ACAD10: variants seen among roughly 807,000 people sequenced by gnomAD.
ACAD10 encodes the protein acyl-CoA dehydrogenase family member 10, also known as ACAD-10.
Under a neutral mutation model 116.8 loss-of-function variants are expected in ACAD10, and 112 were observed. That is an observed-to-expected ratio of 0.96 (90% CI 0.82 to 1.12). The LOEUF is 1.12. Ranked by LOEUF, ACAD10 falls within the 50% of genes most tolerant of loss-of-function variation. The pLI is 0.00. For synonymous variants in ACAD10, 486 were observed against 510.6 expected, an observed-to-expected ratio of 0.95 and a Z score of 0.65; for missense variants, 1,259 against 1,350.2, an observed-to-expected ratio of 0.93 and a Z score of 1.06.
Position 111,709,681 on chromosome 12 carries a change from T to G in ACAD10, c.687T>G (p.Ile229Met). Residue 229 changes from isoleucine (I) to methionine (M), a missense_variant, in exon 5 of 21, where the codon ATT becomes ATG. Ile to Met is a conservative substitution (Grantham distance 10). Transcript: ENST00000313698. ...CTGCCAGACTTGGTATTCACACCAT[T>G]AAGGTAATAGTCACTAATTTTTGAA... Reference protein sequence around the residue: ...KEAARLGIHTIKVNDPETAVK... With the variant: ...KEAARLGIHTMKVNDPETAVK... 1 of 1,610,748 alleles carries G rather than the reference T, an allele frequency of 6.2e-7. No individual in the cohort carries two copies. Among genetic ancestry groups the G allele is most frequent in the South Asian group, 1.1e-5 (1 of 90,480 alleles).
intron 3 of ACAD10, among the ~76,000 whole-genome samples, chr12:111,702,558 C>T (rs1888378282): frequency 1.3e-5 from 2 of 151,902 alleles, no homozygotes; most frequent in Non-Finnish European, 2.9e-5. Context: ...GGTGAAACCC[C>T]GTTTCTACTA....
In ACAD10 at chr12:111,753,800, C is replaced by A; in HGVS notation, c.2846C>A (p.Pro949His). The stretch of plus-strand genomic sequence containing the variant: ...AAGTCCCGCTTGGCTTTTGGGAAGC[C>A]CCTGGTGGAGCAGGGCACAGTGCTG... ...RVKSRLAFGK[P>H]LVEQGTVLAD... The change falls in exon 19 of 21, where the codon CCC becomes CAC. Residue 949 changes from proline to histidine, a missense_variant. Transcript: ENST00000313698. The A allele has an allele frequency of 6.2e-7, 1 of 1,614,018 alleles. No homozygotes were observed. Among genetic ancestry groups the A allele is most frequent in the Non-Finnish European group, 8.5e-7 (1 of 1,180,042 alleles).
chr12:111,729,293 A>C (rs1305571767), intron 9 of ACAD10, among the ~76,000 whole-genome samples: 1 of 152,112 alleles, frequency 6.6e-6, no homozygotes, highest in African/African-American at 2.4e-5. Flanking sequence ...GCTGGAGTGC[A>C]ATGGCGCAAT....
intron 18 of ACAD10, among the ~76,000 whole-genome samples, chr12:111,752,314 A>G (rs981454336): frequency 6.6e-5 from 10 of 151,944 alleles, no homozygotes; most frequent in Non-Finnish European, 1.5e-4. Flanking sequence ...TATTGTTTTA[A>G]GCAGGCTGGC....
Position 111,709,585 on chromosome 12 carries a change from C to T in ACAD10, c.591C>T (p.Cys197=). The change falls in exon 5 of 21, where the codon TGC becomes TGT. Residue 197 remains cysteine (C), a synonymous_variant. Transcript: ENST00000313698. The stretch of plus-strand genomic sequence containing the variant: ...CAGACCCTAGGATCTACAAGCTGTG[C>T]TTGGAGCAGCTCGGCCTGCAGCCCT... ...CKPDPRIYKL[C]LEQLGLQPSE... 1 of 1,613,868 alleles carries T rather than the reference C, an allele frequency of 6.2e-7. No homozygotes were observed. The highest frequency in any genetic ancestry group is 1.1e-5 in the South Asian group (1 of 91,040).
chr12:111,727,936 T>C, intron 8 of ACAD10, 26 bp from the exon 9 acceptor site: 1 of 1,589,180 alleles, frequency 6.3e-7, no homozygotes. Context: ...CTCTGATCCC[T>C]GAAACCCCTT....
At chr12:111,731,408 T>A (rs114001934) in intron 10 of ACAD10, among the ~76,000 whole-genome samples, 2,301 of 152,326 alleles carry the variant, frequency 0.015, 70 homozygotes, top group African/African-American at 0.053. Context: ...AACACTTTCC[T>A]TGCCAGCCAT....
chr12:111,747,217 T>C, intron 15 of ACAD10, 31 bp downstream of exon 15: 2 of 1,608,130 alleles, frequency 1.2e-6, no homozygotes, highest in Non-Finnish European at 1.7e-6. Context: ...CCCACTTGCC[T>C]GGCCCTGTTG....
At chr12:111,712,346 G>A (rs1888709914) in intron 5 of ACAD10, 152 bp from the exon 6 acceptor site, 1 of 650,590 alleles carries the variant, frequency 1.5e-6, no homozygotes. Flanking sequence ...ATTGACTGCT[G>A]GCACCTGTTC....
chr12:111,691,028 T>C (rs1384977887), intron 1 of ACAD10: 1 of 152,170 alleles, frequency 6.6e-6, no homozygotes, highest in Non-Finnish European at 1.5e-5. Context: ...CTTCATTATT[T>C]TGGTTTTTTT....
rs2135974826 is a variant in ACAD10 at position 111,729,748 on chromosome 12, C to T, written c.1244-58C>T. On this transcript the variant is annotated intron_variant, in intron 9 of 20. Coordinates refer to ENST00000313698, the MANE Select transcript of ACAD10 (RefSeq NM_025247.6). Reference sequence around the variant, plus strand: ...GGTTTCACTGCACTGGTTTTTTTTTCCGCTACTTTCAGAGGTTGCTGAAAT... The same window carrying T: ...GGTTTCACTGCACTGGTTTTTTTTTTCGCTACTTTCAGAGGTTGCTGAAAT... 5 of 1,566,002 alleles carry T rather than the reference C, an allele frequency of 3.2e-6. No homozygotes were observed. In the Admixed American group the frequency reaches 5.6e-5, roughly 17 times the overall value.
At chr12:111,734,186 G>C in intron 11 of ACAD10, 118 bp downstream of exon 11, 1 of 1,405,068 alleles carries the variant, frequency 7.1e-7, no homozygotes, top group Admixed American at 2.0e-5. Flanking sequence ...GGTCCTGGTG[G>C]TTCTGGTGGG....
rs368293369 is a variant in ACAD10, at chr12:111,755,648, G to A, written c.2962-20G>A. 27 of 1,607,740 alleles carry A rather than the reference G, an allele frequency of 1.7e-5. No individual in the cohort carries two copies. Among genetic ancestry groups the A allele is most frequent in the Middle Eastern group, 3.4e-4 (2 of 5,830 alleles). On this transcript the variant is annotated intron_variant, in intron 19 of 20. Coordinates refer to ENST00000313698, the MANE Select transcript of ACAD10 (RefSeq NM_025247.6). ...GGCTGCCCTCGGGTCTTTTATGATC[G>A]CATCTCCTCCTCCTTACAGGCTGCA... is the stretch of plus-strand genomic sequence containing the variant.
chr12:111,721,579 C>G, intron 7 of ACAD10, 92 bp from the exon 8 acceptor site: 1 of 1,247,842 alleles, frequency 8.0e-7, no homozygotes, highest in Non-Finnish European at 1.1e-6. Context: ...AAAAACAAAA[C>G]AAACAAACAA....
rs755922722 is a variant in ACAD10, at chr12:111,749,362, G to C, written c.2817+17G>C. On this transcript the variant is annotated intron_variant, in intron 18 of 20. Coordinates refer to ENST00000313698, the MANE Select transcript of ACAD10 (RefSeq NM_025247.6). ...AAGGCCCGCGTGAGTGCTTTCCCCCGCACCCAGCACTGACTCAGAACCACC... is the reference window on the plus strand; with the variant it reads ...AAGGCCCGCGTGAGTGCTTTCCCCCCCACCCAGCACTGACTCAGAACCACC... 2 of 1,594,734 alleles carry C rather than the reference G, an allele frequency of 1.3e-6. No homozygotes were observed. Among genetic ancestry groups the C allele is most frequent in the Non-Finnish European group, 1.7e-6 (2 of 1,168,978 alleles).
At chr12:111,699,593 A>G (rs796749596) in intron 2 of ACAD10, among the ~76,000 whole-genome samples, 19 of 151,950 alleles carry the variant, frequency 1.3e-4, no homozygotes, top group African/African-American at 4.6e-4. Context: ...TATGTCTAGG[A>G]TCTAGTTTGG....
At chr12:111,747,011 GA>G (rs747532515) in intron 14 of ACAD10, 37 bp from the exon 15 acceptor site, 10 of 1,537,982 alleles carry the variant, frequency 6.5e-6, no homozygotes, top group South Asian at 6.3e-5. Context: ...TTTAGAAGAG[GA>G]CATGACAGTC....
intron 9 of ACAD10, among the ~76,000 whole-genome samples, chr12:111,728,471 G>C (rs1889288660): frequency 6.6e-6 from 1 of 150,394 alleles, no homozygotes; most frequent in South Asian, 2.1e-4. Flanking sequence ...TTCTGATACT[G>C]ACCATAGGTA....
intron 14 of ACAD10, 82 bp from the exon 15 acceptor site, chr12:111,746,967 T>C (rs765758578): frequency 1.3e-5 from 20 of 1,503,930 alleles, no homozygotes; most frequent in Non-Finnish European, 1.7e-5. Context: ...GCCACGATAC[T>C]CCAGCCTGGG....
Sources: allele counts gnomAD v4.1 joint callset (sites outside exome capture counted in the v4.1 genomes callset), GRCh38; gene constraint gnomAD v4.1.1; transcripts MANE v1.5; gene names NCBI Gene and HGNC (gene_info 2026-07-23, HGNC 2026-07-21).